Variants in ASIC2 observed in about 807,000 individuals in gnomAD.
The protein encoded by ASIC2 is acid-sensing ion channel 2.
Under a neutral mutation model 57.3 loss-of-function variants are expected in ASIC2, and 25 were observed. That is an observed-to-expected ratio of 0.44 (90% confidence interval 0.32 to 0.61). The LOEUF is 0.61. ASIC2 is among the 20% of genes least tolerant of loss of function. The pLI, the probability that ASIC2 is intolerant of heterozygous loss-of-function variation, is 0.06. For missense variants in ASIC2, 641 were observed against 738.1 expected (o/e 0.87, Z 1.52); for synonymous variants, 319 against 307.5 (o/e 1.04, Z -0.39).
intron 1 of ASIC2, among the ~76,000 whole-genome samples, chr17:33,403,504 A>C (rs950279355): frequency 6.6e-6 from 1 of 152,248 alleles, no homozygotes; most frequent in Non-Finnish European, 1.5e-5. Context: ...TCTTACTTGC[A>C]CAGAAAAAAT....
intron 1 of ASIC2, among the ~76,000 whole-genome samples, chr17:33,391,825 T>G (rs1194069515): frequency 6.6e-6 from 1 of 152,262 alleles, no homozygotes; most frequent in East Asian, 1.9e-4. Flanking sequence ...TTAATTATAT[T>G]TTCTTATTTA....
chr17:33,904,286 T>G (rs1915299829), intron 1 of ASIC2, among the ~76,000 whole-genome samples: 1 of 151,334 alleles, frequency 6.6e-6, no homozygotes, highest in Admixed American at 6.6e-5. Flanking sequence ...TTATTAGGAA[T>G]GCAGAGTCTG....
At chr17:33,677,741 A>T (rs1236595665) in intron 1 of ASIC2, among the ~76,000 whole-genome samples, 3 of 152,200 alleles carry the variant, frequency 2.0e-5, no homozygotes, top group Non-Finnish European at 4.4e-5. Flanking sequence ...TCATGAAAAA[A>T]CTGGAACAGA....
chr17:33,503,846 A>T (rs1914170882), intron 1 of ASIC2, among the ~76,000 whole-genome samples: 1 of 152,192 alleles, frequency 6.6e-6, no homozygotes, highest in African/African-American at 2.4e-5. Context: ...TATCAACTCC[A>T]CATTCCAGGA....
intron 1 of ASIC2, among the ~76,000 whole-genome samples, chr17:33,433,490 TCACGCCTGTAATC>T (rs1911489984): frequency 6.6e-6 from 1 of 152,190 alleles, no homozygotes. Flanking sequence ...GCACAGTGGC[TCACGCCTGTAATC>T]CCAGCACTTT....
intron 1 of ASIC2, among the ~76,000 whole-genome samples, chr17:33,261,449 G>A (rs1043607472): frequency 6.6e-6 from 1 of 152,178 alleles, no homozygotes; most frequent in Non-Finnish European, 1.5e-5. Context: ...AAGGAAGCAC[G>A]GAACTATGCT....
At chr17:33,020,433 A>G (rs1314391114) in intron 7 of ASIC2, among the ~76,000 whole-genome samples, 2 of 152,192 alleles carry the variant, frequency 1.3e-5, no homozygotes, top group African/African-American at 4.8e-5. Flanking sequence ...GGTTCAGCTC[A>G]GGGAGACAAC....
chr17:33,237,704 T>C (rs972539623), intron 1 of ASIC2, among the ~76,000 whole-genome samples: 2 of 152,192 alleles, frequency 1.3e-5, no homozygotes, highest in African/African-American at 2.4e-5. Flanking sequence ...ATAAATGCAA[T>C]GTATCTATGT....
chr17:33,659,132 G>T (rs1907169544), intron 1 of ASIC2, among the ~76,000 whole-genome samples: 1 of 152,190 alleles, frequency 6.6e-6, no homozygotes, highest in African/African-American at 2.4e-5. Context: ...AGGGCGGAGG[G>T]TCCTAGTGTG....
At chr17:33,029,943 T>A (rs1448849572) in intron 3 of ASIC2, among the ~76,000 whole-genome samples, 15 of 152,218 alleles carry the variant, frequency 9.9e-5, no homozygotes, top group Admixed American at 7.2e-4. Context: ...ATGTCTGAGT[T>A]TTTTGTCCAT....
At chr17:33,729,158 G>C (rs540872231) in intron 1 of ASIC2, among the ~76,000 whole-genome samples, 1 of 152,294 alleles carries the variant, frequency 6.6e-6, no homozygotes, top group Admixed American at 6.5e-5. Flanking sequence ...GAAGTGTGGT[G>C]CCAGCGTCTG....
intron 1 of ASIC2, among the ~76,000 whole-genome samples, chr17:34,020,463 T>A (rs2142028238): frequency 6.6e-6 from 1 of 152,320 alleles, no homozygotes; most frequent in Admixed American, 6.5e-5. Context: ...AACTCATCAC[T>A]GCTTGCTCTC....
intron 1 of ASIC2, among the ~76,000 whole-genome samples, chr17:34,132,035 G>A (rs1911989363): frequency 6.6e-6 from 1 of 152,168 alleles, no homozygotes; most frequent in East Asian, 1.9e-4. Context: ...TGCCCTATAA[G>A]TTTGATCTCT....
intron 1 of ASIC2, among the ~76,000 whole-genome samples, chr17:33,247,899 T>A (rs1377354746): frequency 1.3e-5 from 2 of 152,182 alleles, no homozygotes; most frequent in African/African-American, 4.8e-5. Flanking sequence ...CTCAGGGAGC[T>A]TAGACTCTGA....
At chr17:33,145,438 T>C (rs1223855826) in intron 1 of ASIC2, among the ~76,000 whole-genome samples, 2 of 152,238 alleles carry the variant, frequency 1.3e-5, no homozygotes, top group Non-Finnish European at 2.9e-5. Context: ...CCCGACTAGA[T>C]CGTAGTAACA....
At chr17:33,960,430 G>A (rs11650066) in intron 1 of ASIC2, among the ~76,000 whole-genome samples, 52,016 of 152,090 alleles carry the variant, frequency 0.34, 9,124 homozygotes, top group African/African-American at 0.38. Context: ...TACATACAGA[G>A]GTGAATGAGT....
chr17:33,890,438 C>T (rs1470262973), intron 1 of ASIC2, among the ~76,000 whole-genome samples: 1 of 152,250 alleles, frequency 6.6e-6, no homozygotes, highest in Non-Finnish European at 1.5e-5. Context: ...CAACATTCAT[C>T]ACGTGTTTGC....
intron 1 of ASIC2, among the ~76,000 whole-genome samples, chr17:33,225,681 C>G (rs1907853255): frequency 1.3e-5 from 2 of 152,172 alleles, no homozygotes; most frequent in African/African-American, 4.8e-5. Flanking sequence ...ATCAGTACAG[C>G]TCTGAGCAGC....
chr17:33,732,271 G>A (rs189376499), intron 1 of ASIC2, among the ~76,000 whole-genome samples: 2 of 152,176 alleles, frequency 1.3e-5, no homozygotes, highest in Non-Finnish European at 2.9e-5. Context: ...TCAATGGAAG[G>A]CCAGGAAGAC....
Sources: gnomAD v4.1 joint callset for allele counts (sites outside exome capture counted in the v4.1 genomes callset) on GRCh38, gnomAD v4.1.1 for gene constraint, MANE v1.5 for transcripts, NCBI Gene and HGNC (gene_info 2026-07-23, HGNC 2026-07-21) for gene names.